The following CLEC1B variants were observed in gnomAD, a reference collection of about 807,000 sequenced individuals.
The protein encoded by CLEC1B is C-type lectin-like receptor 2.
In CLEC1B, 26 loss-of-function variants were observed where a neutral mutation model predicts 26.7. That is an observed-to-expected ratio of 0.97 (90% CI 0.71 to 1.35). CLEC1B has a LOEUF of 1.35. CLEC1B is among the 40% of genes most tolerant of loss of function. The probability of loss-of-function intolerance (pLI) is 0.00; values close to 1 mark genes in which losing one functional copy is unlikely to be tolerated. For synonymous variants in CLEC1B, 112 were observed against 96.0 expected, an observed-to-expected ratio of 1.17 and a Z score of -0.97; for missense variants, 293 against 282.6, an observed-to-expected ratio of 1.04 and a Z score of -0.26.
At chr12:9,997,871 A>G (rs748785027) in intron 2 of CLEC1B, among the ~76,000 whole-genome samples, 8 of 152,222 alleles carry the variant, frequency 5.3e-5, no homozygotes, top group Non-Finnish European at 1.0e-4. Context: ...AATGAGAAAC[A>G]GAAAATTTTA....
At chr12:10,000,905 T>C (rs750423915), upstream of CLEC1B, among the ~76,000 whole-genome samples, 1 of 152,152 alleles carries the variant, frequency 6.6e-6, no homozygotes, top group African/African-American at 2.4e-5. Context: ...ACCTAAAATA[T>C]ACAGAAACAC....
chr12:9,995,825 A>G (rs1865030594), intron 4 of CLEC1B: 1 of 163,218 alleles, frequency 6.1e-6, no homozygotes. Flanking sequence ...ACTAAACTAT[A>G]TACTATATCA....
intron 5 of CLEC1B, among the ~76,000 whole-genome samples, chr12:9,993,857 T>C (rs889638446): frequency 2.6e-5 from 4 of 152,174 alleles, no homozygotes; most frequent in South Asian, 2.1e-4. Context: ...TATATACTTA[T>C]TGGTTTATTT....
chr12:10,001,523 C>T (rs551987041), upstream of CLEC1B, among the ~76,000 whole-genome samples: 3 of 152,292 alleles, frequency 2.0e-5, no homozygotes, highest in African/African-American at 7.2e-5. Flanking sequence ...TGTGTATCCC[C>T]CCTCACATGA....
At position 9,999,084 on chromosome 12, in the gene CLEC1B, C is replaced by T; in HGVS notation, c.17G>A (p.Gly6Glu). ...AGTTTTAATATTTAAGGTGATGTAT[C>T]CATCTTCATCCTGCATGGCTTCCCG... is the stretch of plus-strand genomic sequence containing the variant. MQDED[G>E]YITLNIKTRK... Residue 6 changes from glycine to glutamate, a missense_variant, in exon 1 of 6, where the codon GGA becomes GAA. Physicochemically the swap from Gly to Glu is moderately conservative, Grantham distance 98. Coordinates refer to ENST00000298527, the MANE Select transcript of CLEC1B (RefSeq NM_016509.4). 6.2e-7 allele frequency: 1 copy of T among 1,610,202 alleles called. No homozygotes were observed. Among genetic ancestry groups the T allele is most frequent in the Non-Finnish European group, 8.5e-7 (1 of 1,177,326 alleles).
Position 9,995,563 on chromosome 12 carries a change from G to T in CLEC1B, c.439-317C>A, listed in dbSNP as rs1355811957. 1.1e-5 allele frequency: 4 copies of T among 354,238 alleles called. No homozygotes were observed. In the East Asian group the frequency reaches 3.0e-4, roughly 26 times the overall value. 21.9% of individuals were successfully genotyped at this position (354,238 alleles called of 1,614,324 possible). A position where few individuals can be genotyped will look rare whatever the true frequency, so the allele number is the denominator to read the frequency against. ...ATAGAATACCAAATATGATTCAAAG[G>T]AATAAATGTAAACAGAGAAAGGAAA... On this transcript the variant is annotated intron_variant, in intron 4 of 5. Coordinates refer to ENST00000298527, the MANE Select transcript of CLEC1B (RefSeq NM_016509.4).
intron 5 of CLEC1B, 141 bp from the exon 6 acceptor site, chr12:9,993,428 T>C: frequency 1.4e-6 from 1 of 734,652 alleles, no homozygotes; most frequent in Non-Finnish European, 2.3e-6. Context: ...CGATTCTCAT[T>C]GTTGAGAAAG....
intron 1 of CLEC1B, among the ~76,000 whole-genome samples, chr12:9,998,721 A>T (rs568838121): frequency 2.0e-5 from 3 of 152,304 alleles, no homozygotes; most frequent in Non-Finnish European, 4.4e-5. Context: ...TAAACAGCAA[A>T]TGAAGAATCA....
At chr12:9,996,510 A>G (rs1217082443) in intron 4 of CLEC1B, among the ~76,000 whole-genome samples, 4 of 150,694 alleles carry the variant, frequency 2.7e-5, no homozygotes, top group African/African-American at 9.7e-5. Flanking sequence ...CTGAGTCCAC[A>G]GAAACAGTAA....
chr12:9,997,398 C>T (rs1865080917), intron 2 of CLEC1B, 119 bp from the exon 3 acceptor site: 3 of 836,522 alleles, frequency 3.6e-6, no homozygotes, highest in Non-Finnish European at 5.4e-6. Context: ...TTACTAGATA[C>T]ACATGATTAA....
At position 9,996,952 on chromosome 12, in the gene CLEC1B, T is replaced by C. The variant is rs201410731; in HGVS notation, c.332A>G (p.Asp111Gly). 8 of 1,613,994 alleles carry C rather than the reference T, an allele frequency of 5.0e-6. No homozygotes were observed. The highest frequency in any genetic ancestry group is 6.8e-6 in the Non-Finnish European group (8 of 1,180,014). The change falls in exon 4 of 6, where the codon GAT becomes GGT. Residue 111 changes from aspartate (D) to glycine (G), a missense_variant. By Grantham distance (94) the Asp-to-Gly change is moderately conservative (BLOSUM62 -1). Transcript: ENST00000298527. Reference protein sequence around the residue: ...PCDTNWRYYGDSCYGFFRHNL... With the variant: ...PCDTNWRYYGGSCYGFFRHNL... ...GTGCCTGAAGAACCCATAGCAGCTA[T>C]CTCCATAATATCTCCAGTTTGTGTC...
intron 4 of CLEC1B, 187 bp from the exon 5 acceptor site, chr12:9,995,433 A>G: frequency 1.7e-6 from 1 of 571,590 alleles, no homozygotes; most frequent in South Asian, 1.7e-5. Context: ...AAAAAAACTT[A>G]TAGGACACAG....
At chr12:9,998,938 A>T (rs1392510720) in intron 1 of CLEC1B, 99 bp downstream of exon 1, 1 of 707,026 alleles carries the variant, frequency 1.4e-6, no homozygotes, top group Non-Finnish European at 2.3e-6. Flanking sequence ...CAAGAAAAAG[A>T]AATTAAACTA....
chr12:9,999,509 T>C (rs1865129860), upstream of CLEC1B, among the ~76,000 whole-genome samples: 1 of 152,224 alleles, frequency 6.6e-6, no homozygotes, highest in Non-Finnish European at 1.5e-5. Flanking sequence ...TGAAAATTCA[T>C]GGATATAGCT....
chr12:9,999,300 C>A, upstream of CLEC1B: 1 of 421,676 alleles, frequency 2.4e-6, no homozygotes. Flanking sequence ...GATACATGGA[C>A]CTTGAACACA....
rs369129291 is a variant in CLEC1B, at chr12:9,999,044, G to A, written c.57C>T (p.Leu19=). 2.6e-5 allele frequency: 42 copies of A among 1,592,150 alleles called. No homozygotes were observed. The highest frequency in any genetic ancestry group is 5.0e-5 in the Admixed American group (3 of 59,648). ...TLNIKTRKPA[L]ISVGSASSSW... is the part of the protein sequence containing the mutation. ...GGCTCTGAGCATTCTTACCGGAGAT[G>A]AGAGCTGGTTTCCGAGTTTTAATAT... The change falls in exon 1 of 6, where the codon CTC becomes CTT. Residue 19 remains leucine, a synonymous_variant. Transcript: ENST00000298527.
chr12:9,997,328 A>G (rs1335295365), intron 2 of CLEC1B, 49 bp from the exon 3 acceptor site: 4 of 1,538,136 alleles, frequency 2.6e-6, no homozygotes, highest in Non-Finnish European at 3.5e-6. Context: ...AACCATAGAA[A>G]TGATGCAAAG....
In CLEC1B at chr12:9,995,038, T is replaced by A. The variant is rs1865003795; in HGVS notation, c.545+102A>T. ...ATTAGCAGGTAAGTGACCCAGCTGCTGCTTCTATAACCCATAGTAGTGACT... is the reference window on the plus strand; with the variant it reads ...ATTAGCAGGTAAGTGACCCAGCTGCAGCTTCTATAACCCATAGTAGTGACT... On this transcript the variant is annotated intron_variant, in intron 5 of 5. Coordinates refer to ENST00000298527, the MANE Select transcript of CLEC1B (RefSeq NM_016509.4). The A allele has an allele frequency of 5.0e-6, 8 of 1,585,428 alleles. No individual in the cohort carries two copies. In the African/African-American group the frequency reaches 5.4e-5, roughly 11 times the overall value.
In CLEC1B at chr12:9,997,838, AT is replaced by A. The variant is rs1188724333; in HGVS notation, c.163+443del. On this transcript the variant is annotated intron_variant, in intron 2 of 5. Coordinates refer to ENST00000298527, the MANE Select transcript of CLEC1B (RefSeq NM_016509.4). ...GCCATGAGAATTACAGAAAGAAGAA[AT>A]GCACAGTAACTTAGTAAACAAAATG... 2.0e-5 allele frequency among the ~76,000 whole-genome samples: 3 copies of A among 152,322 alleles called. No individual in the cohort carries two copies. In the East Asian group the frequency reaches 5.8e-4, roughly 29 times the overall value.
Sources: allele counts gnomAD v4.1 joint callset (sites outside exome capture counted in the v4.1 genomes callset), GRCh38; gene constraint gnomAD v4.1.1; transcripts MANE v1.5; gene names NCBI Gene and HGNC (gene_info 2026-07-23, HGNC 2026-07-21).